LIPN: variants seen among roughly 807,000 people sequenced by gnomAD.
LIPN encodes the protein lipase member N.
LIPN carries 32 observed loss-of-function variants against 43.7 expected under a neutral mutation model. The observed-to-expected ratio is 0.73, with a 90% CI of 0.55 to 0.98. LIPN has a LOEUF of 0.98. Ranked by LOEUF, LIPN falls within the 50% of genes least tolerant of loss-of-function variation. The probability of loss-of-function intolerance (pLI) is 0.00; values close to 1 mark genes in which losing one functional copy is unlikely to be tolerated. For synonymous variants in LIPN, 156 were observed against 157.6 expected, an observed-to-expected ratio of 0.99 and a Z score of 0.08; for missense variants, 505 against 483.8, an observed-to-expected ratio of 1.04 and a Z score of -0.41.
rs558351355 is a variant in LIPN at position 88,779,588 on chromosome 10, G to C, written c.*1346G>C. Among the ~76,000 whole-genome samples, 1 of 151,896 alleles carries C rather than the reference G, an allele frequency of 6.6e-6. No homozygotes were observed. Among genetic ancestry groups the C allele is most frequent in the Non-Finnish European group, 1.5e-5 (1 of 67,966 alleles). On this transcript the variant is annotated 3_prime_UTR_variant, in exon 10 of 10. Transcript: ENST00000404459. Reference sequence around the variant, plus strand: ...ATATTTGTATATAATGAAAACTGAAGCAATATAAAAAATAAAATTAGTTGT... The same window carrying C: ...ATATTTGTATATAATGAAAACTGAACCAATATAAAAAATAAAATTAGTTGT...
At chr10:88,767,145 A>G (rs796309758) in intron 5 of LIPN, among the ~76,000 whole-genome samples, 8 of 152,068 alleles carry the variant, frequency 5.3e-5, no homozygotes, top group African/African-American at 7.2e-5. Context: ...AAAGTTTCCA[A>G]TTTTAAGAGA....
At position 88,767,683 on chromosome 10, in the gene LIPN, A is replaced by C. The variant is rs898784916; in HGVS notation, c.536-1109A>C. Among the ~76,000 whole-genome samples the C allele has an allele frequency of 9.3e-4, 97 of 104,760 alleles. 1 individual carries two copies. The highest frequency in any genetic ancestry group is 2.9e-3 in the African/African-American group (81 of 27,606). The allele number at this position is 104,760 out of a possible 152,430, so 68.7% of individuals were successfully genotyped here. ...AAAAAAAAAAAAAAAAAAAAAAAAA[A>C]AAAAAAAAACCATGGAGAATTTGAT... On this transcript the variant is annotated intron_variant, in intron 5 of 9. Coordinates refer to ENST00000404459, the MANE Select transcript of LIPN (RefSeq NM_001102469.2).
In LIPN at chr10:88,774,691, C is replaced by T. The variant is rs1590183093; in HGVS notation, c.891+147C>T. ...TGCTGCCTTCTGTATGCCTTGATTT[C>T]CCTGGAATTTAAGAGAAAGGATGTT... On this transcript the variant is annotated intron_variant, in intron 8 of 9. Transcript: ENST00000404459. 1.6e-5 allele frequency: 11 copies of T among 668,964 alleles called. No individual in the cohort carries two copies. In the East Asian group the frequency reaches 3.0e-4, roughly 18 times the overall value. The allele number at this position is 668,964 out of a possible 1,614,324, so 41.4% of individuals were successfully genotyped here.
intron 7 of LIPN, among the ~76,000 whole-genome samples, chr10:88,771,987 T>G (rs1303051245): frequency 6.6e-6 from 1 of 151,948 alleles, no homozygotes; most frequent in Non-Finnish European, 1.5e-5. Context: ...TAGTTTTAGT[T>G]CGCATTTCTC....
chr10:88,773,470 G>A (rs974489646), intron 7 of LIPN, among the ~76,000 whole-genome samples: 1 of 151,846 alleles, frequency 6.6e-6, no homozygotes, highest in East Asian at 1.9e-4. Flanking sequence ...GGTGACTTTT[G>A]TTTTGAAGTA....
chr10:88,765,084 T>C (rs766488957), intron 4 of LIPN, among the ~76,000 whole-genome samples: 1 of 152,026 alleles, frequency 6.6e-6, no homozygotes, highest in Admixed American at 6.6e-5. Context: ...AGGACCTTAT[T>C]GATTTAGAGA....
At chr10:88,770,238 A>T (rs1187696190) in intron 6 of LIPN, among the ~76,000 whole-genome samples, 1 of 151,758 alleles carries the variant, frequency 6.6e-6, no homozygotes, top group South Asian at 2.1e-4. Context: ...ACATTATCAT[A>T]TCTTTTCTGT....
chr10:88,765,098 T>C (rs1046925747), intron 4 of LIPN, among the ~76,000 whole-genome samples: 1 of 152,132 alleles, frequency 6.6e-6, no homozygotes, highest in East Asian at 1.9e-4. Flanking sequence ...TTAGAGAAAC[T>C]GTGATTGATT....
chr10:88,770,757 T>C lies in LIPN; in HGVS notation c.673-88T>C, dbSNP rs1364065498. 9 of 790,048 alleles carry C rather than the reference T, an allele frequency of 1.1e-5. No homozygotes were observed. The South Asian group carries it at 1.5e-4, about 13-fold the overall frequency. The allele number at this position is 790,048 out of a possible 1,614,324, so 48.9% of individuals were successfully genotyped here. A position where few individuals can be genotyped will look rare whatever the true frequency, so the allele number is the denominator to read the frequency against. ...GTTGTTGCTATTGAGTTGAGCTCCT[T>C]ATATATTCTGGTTACTAATCCCTTG... is the stretch of plus-strand genomic sequence containing the variant. On this transcript the variant is annotated intron_variant, in intron 6 of 9. Transcript: ENST00000404459.
At chr10:88,771,796 T>C (rs1004105963) in intron 7 of LIPN, among the ~76,000 whole-genome samples, 8 of 151,626 alleles carry the variant, frequency 5.3e-5, no homozygotes, top group Non-Finnish European at 1.5e-5. Context: ...GATCATATGG[T>C]AATTCTACTT....
chr10:88,769,037 T>C (rs1386871650), intron 6 of LIPN, 109 bp downstream of exon 6: 7 of 1,100,588 alleles, frequency 6.4e-6, no homozygotes, highest in Admixed American at 4.5e-5. Context: ...ATAAAATCTA[T>C]AGAACTTAGA....
Position 88,779,531 on chromosome 10 carries a change from C to A in LIPN, c.*1289C>A, listed in dbSNP as rs1843351485. 6.6e-6 allele frequency among the ~76,000 whole-genome samples: 1 copy of A among 151,870 alleles called. No individual in the cohort carries two copies. The highest frequency in any genetic ancestry group is 2.4e-5 in the African/African-American group (1 of 41,294). On this transcript the variant is annotated 3_prime_UTR_variant, in exon 10 of 10. Transcript: ENST00000404459. ...AGAACTATGTGATTGCAAATATATA[C>A]AAATATTAAAACAATTATATGACTT...
chr10:88,762,352 C>T, intron 3 of LIPN, 47 bp downstream of exon 3: 1 of 1,153,136 alleles, frequency 8.7e-7, no homozygotes, highest in African/African-American at 1.5e-5. Flanking sequence ...TGACCTCCTG[C>T]TTCTCAGGAG....
intron 7 of LIPN, among the ~76,000 whole-genome samples, chr10:88,771,251 C>T (rs1305020549): frequency 1.3e-5 from 2 of 151,768 alleles, no homozygotes; most frequent in East Asian, 3.9e-4. Flanking sequence ...AAGCATTTAT[C>T]ATTTCTTTTT....
chr10:88,774,963 G>T lies in LIPN; in HGVS notation c.892-129G>T, dbSNP rs1590183298. 9 of 619,048 alleles carry T rather than the reference G, an allele frequency of 1.5e-5. No individual in the cohort carries two copies. In the East Asian group the frequency reaches 2.5e-4, roughly 17 times the overall value. 38.3% of individuals were successfully genotyped at this position (619,048 alleles called of 1,614,324 possible). On this transcript the variant is annotated intron_variant, in intron 8 of 9. Coordinates refer to ENST00000404459, the MANE Select transcript of LIPN (RefSeq NM_001102469.2). ...CCCGTTTGTCATAATTGTAAAATGGGTGGTTACATCCTTCTGGTGATCTAG... is the reference window on the plus strand; with the variant it reads ...CCCGTTTGTCATAATTGTAAAATGGTTGGTTACATCCTTCTGGTGATCTAG...
At chr10:88,757,586 A>G (rs1842941955), upstream of LIPN, among the ~76,000 whole-genome samples, 1 of 152,146 alleles carries the variant, frequency 6.6e-6, no homozygotes, top group African/African-American at 2.4e-5. Context: ...TATTGTTTTT[A>G]AAGATGGATG....
chr10:88,775,533 T>C (rs1478886997), intron 9 of LIPN, among the ~76,000 whole-genome samples: 1 of 152,010 alleles, frequency 6.6e-6, no homozygotes, highest in Non-Finnish European at 1.5e-5. Flanking sequence ...GCATTTTTAA[T>C]GGCTACATAA....
At chr10:88,770,268 G>T (rs1173839823) in intron 6 of LIPN, among the ~76,000 whole-genome samples, 4 of 151,758 alleles carry the variant, frequency 2.6e-5, no homozygotes, top group African/African-American at 4.8e-5. Flanking sequence ...GCTTCTCTTT[G>T]GCTCACTGTT....
chr10:88,771,207 A>C (rs1843203180), intron 7 of LIPN, among the ~76,000 whole-genome samples: 1 of 151,838 alleles, frequency 6.6e-6, no homozygotes, highest in Non-Finnish European at 1.5e-5. Context: ...ATGTGTAATG[A>C]CCAAATCAGG....
Sources: allele counts gnomAD v4.1 joint callset (sites outside exome capture counted in the v4.1 genomes callset), GRCh38; gene constraint gnomAD v4.1.1; transcripts MANE v1.5; gene names NCBI Gene and HGNC (gene_info 2026-07-23, HGNC 2026-07-21).